The following MMP26 variants were observed in gnomAD, a reference collection of about 807,000 sequenced individuals.
MMP26 encodes the protein matrix metalloproteinase-26.
A neutral mutation model predicts 31.0 loss-of-function variants in MMP26; 33 were observed. That is an observed-to-expected ratio of 1.06 (90% CI 0.81 to 1.42). The LOEUF (loss-of-function observed/expected upper bound fraction) is 1.42. Ranked by LOEUF, MMP26 falls within the 40% of genes most tolerant of loss-of-function variation. The pLI, the probability that MMP26 is intolerant of heterozygous loss-of-function variation, is 0.00. For missense variants in MMP26, 347 were observed against 316.1 expected, an observed-to-expected ratio of 1.10 and a Z score of -0.74; for synonymous variants, 122 against 114.9, an observed-to-expected ratio of 1.06 and a Z score of -0.40.
intron 2 of MMP26, among the ~76,000 whole-genome samples, chr11:4,868,762 T>C (rs1051021843): frequency 1.3e-5 from 2 of 152,058 alleles, no homozygotes; most frequent in Non-Finnish European, 1.5e-5. Context: ...ATTGCCAAGA[T>C]AATACTAAGC....
At chr11:4,982,075 T>C (rs1214060353) in intron 2 of MMP26, among the ~76,000 whole-genome samples, 1 of 151,710 alleles carries the variant, frequency 6.6e-6, no homozygotes, top group East Asian at 1.9e-4. Context: ...TGTATATATA[T>C]ATATACACAC....
At chr11:4,935,008 G>T (rs1446021367) in intron 2 of MMP26, among the ~76,000 whole-genome samples, 1 of 151,510 alleles carries the variant, frequency 6.6e-6, no homozygotes, top group Non-Finnish European at 1.5e-5. Flanking sequence ...GTCAGGTAGT[G>T]TGATGCCTCC....
At chr11:4,935,494 TC>T (rs1249750988) in intron 2 of MMP26, among the ~76,000 whole-genome samples, 6 of 150,188 alleles carry the variant, frequency 4.0e-5, no homozygotes, top group Non-Finnish European at 9.0e-5. Flanking sequence ...AATGGGGTTT[TC>T]TAGATATACA....
intron 2 of MMP26, among the ~76,000 whole-genome samples, chr11:4,811,452 G>A (rs1390896404): frequency 6.6e-6 from 1 of 152,078 alleles, no homozygotes; most frequent in African/African-American, 2.4e-5. Flanking sequence ...GAGAACATGT[G>A]GTATTTGGTT....
At chr11:4,746,831 T>TCACACACACA (rs3223670) in intron 1 of MMP26, among the ~76,000 whole-genome samples, 75 of 137,216 alleles carry the variant, frequency 5.5e-4, no homozygotes, top group African/African-American at 1.3e-3. Flanking sequence ...TAAGTCTCTG[T>TCACACACACA]CACACACACA....
At chr11:4,879,207 C>T (rs1850425450) in intron 2 of MMP26, among the ~76,000 whole-genome samples, 2 of 152,070 alleles carry the variant, frequency 1.3e-5, no homozygotes, top group African/African-American at 4.8e-5. Context: ...GCACTCCAGC[C>T]TCAGTGACAC....
chr11:4,926,489 G>C (rs141258306), intron 2 of MMP26, among the ~76,000 whole-genome samples: 1 of 152,098 alleles, frequency 6.6e-6, no homozygotes, highest in Admixed American at 6.6e-5. Context: ...TCAAGTAAAA[G>C]TTTAAATATA....
At chr11:4,757,902 G>C (rs933644493) in intron 1 of MMP26, among the ~76,000 whole-genome samples, 13 of 152,054 alleles carry the variant, frequency 8.5e-5, no homozygotes, top group African/African-American at 3.1e-4. Context: ...TACATTGCTT[G>C]TGGACATGAA....
intron 2 of MMP26, among the ~76,000 whole-genome samples, chr11:4,956,991 C>A (rs1031059088): frequency 6.6e-6 from 1 of 152,000 alleles, no homozygotes; most frequent in African/African-American, 2.4e-5. Context: ...CTTCATTTTA[C>A]TGATGAAGAA....
At chr11:4,966,224 A>G (rs1001947410) in intron 2 of MMP26, among the ~76,000 whole-genome samples, 1 of 152,162 alleles carries the variant, frequency 6.6e-6, no homozygotes, top group East Asian at 1.9e-4. Context: ...CAACAAATAC[A>G]GAAGGAAAAG....
At chr11:4,820,912 C>T (rs1475743897) in intron 2 of MMP26, among the ~76,000 whole-genome samples, 1 of 152,120 alleles carries the variant, frequency 6.6e-6, no homozygotes, top group Admixed American at 6.5e-5. Flanking sequence ...TTTGGGCCAC[C>T]CTATTACCAC....
At chr11:4,785,226 G>A (rs1848921181) in intron 2 of MMP26, among the ~76,000 whole-genome samples, 2 of 152,166 alleles carry the variant, frequency 1.3e-5, no homozygotes, top group Admixed American at 6.5e-5. Flanking sequence ...AGAGCAGACA[G>A]TTGATCACTG....
At position 4,923,597 on chromosome 11, in the gene MMP26, C is replaced by G. The variant is rs371439585; in HGVS notation, c.-144-64471C>G. The G allele has an allele frequency of 5.5e-5, 89 of 1,613,996 alleles. 1 individual carries two copies. The highest frequency in any genetic ancestry group is 2.2e-4 in the East Asian group (10 of 44,864). On this transcript the variant is annotated intron_variant, in intron 2 of 7. Transcript: ENST00000380390. ...GGGGATGTAGAAGAGCAGTACAGCACAGATATGAGAGACACAGGTGTTGAG... is the reference window on the plus strand; with the variant it reads ...GGGGATGTAGAAGAGCAGTACAGCAGAGATATGAGAGACACAGGTGTTGAG...
intron 2 of MMP26, among the ~76,000 whole-genome samples, chr11:4,974,047 G>C (rs1174627842): frequency 6.6e-6 from 1 of 151,816 alleles, no homozygotes; most frequent in Non-Finnish European, 1.5e-5. Flanking sequence ...AGGAGAAATA[G>C]ATAGGTAGAC....
chr11:4,932,800 C>G (rs934855147), intron 2 of MMP26, among the ~76,000 whole-genome samples: 1 of 152,128 alleles, frequency 6.6e-6, no homozygotes, highest in Non-Finnish European at 1.5e-5. Flanking sequence ...AAGTCACTTT[C>G]TCAATTTCTC....
intron 2 of MMP26, among the ~76,000 whole-genome samples, chr11:4,916,529 T>C (rs530339054): frequency 6.6e-6 from 1 of 152,322 alleles, no homozygotes; most frequent in East Asian, 1.9e-4. Flanking sequence ...GTTTTTTTCT[T>C]TCTTTCTCTT....
intron 2 of MMP26, chr11:4,821,439 T>C: frequency 6.2e-7 from 1 of 1,613,954 alleles, no homozygotes; most frequent in South Asian, 1.1e-5. Flanking sequence ...TCCTCAATAA[T>C]ACCATTGCTG....
chr11:4,748,158 A>G (rs1216929632), intron 1 of MMP26, among the ~76,000 whole-genome samples: 1 of 152,092 alleles, frequency 6.6e-6, no homozygotes, highest in Non-Finnish European at 1.5e-5. Flanking sequence ...ATCACAAACT[A>G]CTATGAGCAA....
intron 2 of MMP26, among the ~76,000 whole-genome samples, chr11:4,958,996 T>G (rs12804154): frequency 6.6e-6 from 1 of 151,750 alleles, no homozygotes; most frequent in Non-Finnish European, 1.5e-5. Context: ...CCCACCACTT[T>G]GGGAGGCCGA....
Sources: gnomAD v4.1 joint callset for allele counts (sites outside exome capture counted in the v4.1 genomes callset) on GRCh38, gnomAD v4.1.1 for gene constraint, MANE v1.5 for transcripts, NCBI Gene and HGNC (gene_info 2026-07-23, HGNC 2026-07-21) for gene names.